Variants in DROSHA observed in about 807,000 individuals in gnomAD.
DROSHA encodes the protein drosha ribonuclease III, also known as ribonuclease 3.
A neutral mutation model predicts 181.9 loss-of-function variants in DROSHA; 56 were observed. That is an observed-to-expected ratio of 0.31 (90% CI 0.25 to 0.38). The LOEUF (loss-of-function observed/expected upper bound fraction) is 0.38, where lower values mean the gene tolerates loss of function less well. Among genes scored for constraint, DROSHA ranks in the 10% least tolerant of loss-of-function variants. DROSHA has a pLI of 1.00. For missense variants in DROSHA, 1,218 were observed against 1,743.5 expected, an observed-to-expected ratio of 0.70 and a Z score of 5.37; for synonymous variants, 524 against 591.2, an observed-to-expected ratio of 0.89 and a Z score of 1.65.
intron 11 of DROSHA, among the ~76,000 whole-genome samples, chr5:31,495,821 C>T (rs535017151): frequency 2.2e-4 from 34 of 152,292 alleles, no homozygotes; most frequent in Non-Finnish European, 4.4e-4. Flanking sequence ...TGAGGCTTGC[C>T]GGAGATGGGC....
chr5:31,442,433 C>T (rs1206440771), intron 23 of DROSHA, among the ~76,000 whole-genome samples: 1 of 152,054 alleles, frequency 6.6e-6, no homozygotes, highest in Non-Finnish European at 1.5e-5. Context: ...CTTTAATCAC[C>T]CTCTTTATAA....
At chr5:31,417,461 T>G (rs11746052) in intron 30 of DROSHA, among the ~76,000 whole-genome samples, 18,722 of 152,152 alleles carry the variant, frequency 0.12, 1,363 homozygotes, top group East Asian at 0.27. Flanking sequence ...GAAAATTGAC[T>G]GGGGCGCGGG....
At chr5:31,495,226 A>G (rs1752834965) in intron 12 of DROSHA, 60 bp downstream of exon 12, 2 of 1,506,892 alleles carry the variant, frequency 1.3e-6, no homozygotes, top group Non-Finnish European at 1.8e-6. Context: ...ACTTTAGCCT[A>G]TTCACATTTT....
chr5:31,503,913 A>G (rs1737602747), intron 11 of DROSHA, among the ~76,000 whole-genome samples: 1 of 152,228 alleles, frequency 6.6e-6, no homozygotes, highest in Admixed American at 6.5e-5. Flanking sequence ...AATAGAAATT[A>G]AGGTTTTACA....
intron 30 of DROSHA, among the ~76,000 whole-genome samples, chr5:31,416,077 C>T (rs1741907619): frequency 6.6e-6 from 1 of 152,198 alleles, no homozygotes; most frequent in South Asian, 2.1e-4. Flanking sequence ...ATTACATTTG[C>T]TCAATTGTCC....
At position 31,431,580 on chromosome 5, in the gene DROSHA, T is replaced by C; in HGVS notation, c.3141A>G (p.Leu1047=). ...RHAMANCFEA[L]IGAVYLEGSL... Reference sequence around the variant, plus strand: ...CTTGAAGAAGAGAGAAATTACCTATTAACGCTTCAAAACAATTGGCCATTG... The same window carrying C: ...CTTGAAGAAGAGAGAAATTACCTATCAACGCTTCAAAACAATTGGCCATTG... Residue 1047 remains leucine, a synonymous_variant, in exon 26 of 36, where the codon TTA becomes TTG. Coordinates refer to ENST00000344624, the MANE Select transcript of DROSHA (RefSeq NM_001382508.1). The C allele has an allele frequency of 1.2e-6, 2 of 1,613,874 alleles. No individual in the cohort carries two copies. The highest frequency in any genetic ancestry group is 1.7e-6 in the Non-Finnish European group (2 of 1,179,796).
chr5:31,449,258 A>G (rs775385699), intron 22 of DROSHA, 23 bp downstream of exon 22: 1 of 1,612,264 alleles, frequency 6.2e-7, no homozygotes, highest in Non-Finnish European at 8.5e-7. Flanking sequence ...GGAGATTCAC[A>G]TCTTAAAATC....
At chr5:31,468,911 C>A (rs1029425062) in intron 17 of DROSHA, among the ~76,000 whole-genome samples, 1 of 152,168 alleles carries the variant, frequency 6.6e-6, no homozygotes, top group Admixed American at 6.5e-5. Flanking sequence ...CAATGCCCAA[C>A]AATTAGAGTC....
intron 25 of DROSHA, among the ~76,000 whole-genome samples, chr5:31,435,449 T>C (rs975894918): frequency 6.6e-6 from 1 of 152,224 alleles, no homozygotes; most frequent in African/African-American, 2.4e-5. Context: ...AGACAGTATA[T>C]TTCATTTCTT....
In DROSHA at chr5:31,450,050, C is replaced by G. The variant is rs182896333; in HGVS notation, c.2683-631G>C. On this transcript the variant is annotated intron_variant, in intron 21 of 35. Transcript: ENST00000344624. Reference sequence around the variant, plus strand: ...CAAAAGAAGATATACAAATGGCCAACAAACATGAAAGAATGTTCAACATCA... The same window carrying G: ...CAAAAGAAGATATACAAATGGCCAAGAAACATGAAAGAATGTTCAACATCA... Among the ~76,000 whole-genome samples the G allele has an allele frequency of 1.7e-3, 255 of 152,100 alleles. No homozygotes were observed. In the Middle Eastern group the frequency reaches 0.017, roughly 10 times the overall value.
intron 35 of DROSHA, among the ~76,000 whole-genome samples, 170 bp downstream of exon 35, chr5:31,405,507 G>A (rs1394833243): frequency 6.6e-6 from 1 of 151,652 alleles, no homozygotes; most frequent in East Asian, 1.9e-4. Context: ...TTAAATATAA[G>A]CCCATTTTAG....
chr5:31,484,135 G>C (rs1427413408), intron 15 of DROSHA, among the ~76,000 whole-genome samples: 2 of 152,068 alleles, frequency 1.3e-5, no homozygotes, highest in African/African-American at 4.8e-5. Context: ...ACTTTGGGAG[G>C]CCGAGGCAGG....
chr5:31,478,838 C>A (rs1750701161), intron 16 of DROSHA, among the ~76,000 whole-genome samples: 1 of 152,142 alleles, frequency 6.6e-6, no homozygotes, highest in South Asian at 2.1e-4. Flanking sequence ...ATTGGTATGT[C>A]CTTTCTAGAG....
intron 30 of DROSHA, among the ~76,000 whole-genome samples, chr5:31,415,515 T>C (rs181003624): frequency 4.6e-5 from 7 of 152,296 alleles, no homozygotes; most frequent in Admixed American, 4.6e-4. Context: ...AAAATACCTG[T>C]TTGTCTGAAT....
chr5:31,435,956 G>T, intron 24 of DROSHA, 92 bp from the exon 25 acceptor site: 2 of 1,073,358 alleles, frequency 1.9e-6, no homozygotes, highest in Non-Finnish European at 2.7e-6. Flanking sequence ...GCACACAGTA[G>T]CTGTGCAATG....
At chr5:31,531,852 C>T (rs1312950723) in intron 1 of DROSHA, 138 bp downstream of exon 1, 3 of 154,904 alleles carry the variant, frequency 1.9e-5, no homozygotes, top group African/African-American at 7.2e-5. Context: ...GCTCTTTTGC[C>T]CTTAGCTGCA....
intron 16 of DROSHA, among the ~76,000 whole-genome samples, chr5:31,480,491 T>C (rs1378952699): frequency 6.6e-6 from 1 of 152,082 alleles, no homozygotes; most frequent in Non-Finnish European, 1.5e-5. Flanking sequence ...TCTTGGAAGC[T>C]ACTAATCTTG....
intron 30 of DROSHA, among the ~76,000 whole-genome samples, chr5:31,417,858 A>G (rs1259624813): frequency 1.3e-5 from 2 of 152,188 alleles, no homozygotes; most frequent in African/African-American, 4.8e-5. Context: ...TGACTACAGC[A>G]TGTAAAATGG....
At chr5:31,446,212 C>T (rs979487402) in intron 23 of DROSHA, among the ~76,000 whole-genome samples, 3 of 151,792 alleles carry the variant, frequency 2.0e-5, no homozygotes, top group Non-Finnish European at 4.4e-5. Context: ...TTTGGGAGGC[C>T]AAGGCGGGCG....
Sources: gnomAD v4.1 joint callset for allele counts (sites outside exome capture counted in the v4.1 genomes callset) on GRCh38, gnomAD v4.1.1 for gene constraint, MANE v1.5 for transcripts, NCBI Gene and HGNC (gene_info 2026-07-23, HGNC 2026-07-21) for gene names.